Variants in AFDN observed in about 807,000 individuals in gnomAD.
AFDN encodes afadin, adherens junction formation factor.
In AFDN, 68 loss-of-function variants were observed where a neutral mutation model predicts 216.6. The ratio of observed to expected loss-of-function variants is 0.31; its 90% CI spans 0.26 to 0.38. The LOEUF (loss-of-function observed/expected upper bound fraction) is 0.38. Ranked by LOEUF, AFDN falls within the 10% of genes least tolerant of loss-of-function variation. The pLI is 1.00. For synonymous variants in AFDN, 868 were observed against 853.7 expected (o/e 1.02, Z -0.29); for missense variants, 2,136 against 2,342.0 (o/e 0.91, Z 1.82).
Position 167,914,727 on chromosome 6 carries a change from G to T in AFDN, c.2288G>T (p.Arg763Leu), listed in dbSNP as rs779923554. Residue 763 changes from arginine (R) to leucine (L), a missense_variant, in exon 18 of 34, where the codon CGA becomes CTA. By Grantham distance (102) the Arg-to-Leu change is moderately radical (BLOSUM62 -2). Around this residue, in one of 8 missense-constraint regions of AFDN, gnomAD observed 817 missense variants for 965.7 expected, o/e 0.85. Transcript: ENST00000683244. ...GACCCTGAAGAGAACAGTCTGCAAC[G>T]ACCAAAAATAGGTTAGGATGTTTTC... ...LDDPEENSLQ[R>L]PKIDDVLHTL... The T allele has an allele frequency of 1.2e-6, 2 of 1,608,306 alleles. No homozygotes were observed. Among genetic ancestry groups the T allele is most frequent in the Admixed American group, 3.3e-5 (2 of 59,958 alleles).
At position 167,943,167 on chromosome 6, in the gene AFDN, G is replaced by C. The variant is rs376177034; in HGVS notation, c.3138G>C (p.Ser1046=). Residue 1046 remains serine, a synonymous_variant, in exon 24 of 34, where the codon TCG becomes TCC. Coordinates refer to ENST00000683244, the MANE Select transcript of AFDN (RefSeq NM_001386888.1). The stretch of plus-strand genomic sequence containing the variant: ...ATAAACTAGGAATCTATGTGAAGTC[G>C]GTTGTGAAAGGAGGTGCTGCAGATG... ...GQDKLGIYVK[S]VVKGGAADVD... 1.6e-5 allele frequency: 26 copies of C among 1,613,916 alleles called. No homozygotes were observed. Among genetic ancestry groups the C allele is most frequent in the Non-Finnish European group, 2.0e-5 (24 of 1,179,926 alleles).
intron 3 of AFDN, among the ~76,000 whole-genome samples, chr6:167,870,735 C>T (rs144057283): frequency 1.3e-5 from 2 of 152,156 alleles, no homozygotes; most frequent in East Asian, 3.9e-4. Context: ...TTTATGTAAA[C>T]TCGTTACTGT....
Position 167,951,944 on chromosome 6 carries a change from G to A in AFDN, c.4590G>A (p.Lys1530=). The change falls in exon 30 of 34, where the codon AAG becomes AAA. Residue 1530 remains lysine (K), a synonymous_variant. Coordinates refer to ENST00000683244, the MANE Select transcript of AFDN (RefSeq NM_001386888.1). This position sits in a 1 kb window ranked among gnomAD's most constrained non-coding sequence, Gnocchi z 7.1. ...CGTGGAAGCGGGACGCCAAGGAGAA[G>A]CTGGAGAAGCAGCAGCAGATGCACA... ...PDPWKRDAKE[K]LEKQQQMHIV... 6.2e-7 allele frequency: 1 copy of A among 1,614,170 alleles called. No individual in the cohort carries two copies. The highest frequency in any genetic ancestry group is 1.3e-5 in the African/African-American group (1 of 75,056).
intron 1 of AFDN, among the ~76,000 whole-genome samples, chr6:167,840,704 A>G (rs757916255): frequency 4.6e-5 from 7 of 152,232 alleles, no homozygotes; most frequent in Non-Finnish European, 7.3e-5. Context: ...GCAAGTGTAC[A>G]TACTAGTTGG....
At chr6:167,889,522 C>T (rs1787297898) in intron 7 of AFDN, among the ~76,000 whole-genome samples, 196 bp downstream of exon 7, 1 of 152,184 alleles carries the variant, frequency 6.6e-6, no homozygotes, top group South Asian at 2.1e-4. Context: ...CAAGCTCCAC[C>T]TCCCGGTTTC....
Position 167,872,396 on chromosome 6 carries a change from T to G in AFDN, c.578+19T>G. 6.3e-7 allele frequency: 1 copy of G among 1,591,528 alleles called. No homozygotes were observed. Among genetic ancestry groups the G allele is most frequent in the Non-Finnish European group, 8.5e-7 (1 of 1,173,232 alleles). On this transcript the variant is annotated intron_variant, in intron 4 of 33. Coordinates refer to ENST00000683244, the MANE Select transcript of AFDN (RefSeq NM_001386888.1). The stretch of plus-strand genomic sequence containing the variant: ...AGGATGTGTAAGTCAGTTTTGGAAA[T>G]GTTCCCCTTTCTTTGTGCTCCAAAT...
intron 30 of AFDN, among the ~76,000 whole-genome samples, chr6:167,952,961 A>G (rs530441374): frequency 7.7e-4 from 117 of 152,352 alleles, no homozygotes; most frequent in African/African-American, 2.8e-3. Context: ...AATTCGTTTA[A>G]CACAATAAAT....
intron 13 of AFDN, 129 bp from the exon 14 acceptor site, chr6:167,910,972 T>G (rs1009683593): frequency 2.7e-6 from 2 of 746,718 alleles, no homozygotes; most frequent in African/African-American, 3.5e-5. Flanking sequence ...ACAAGGGATA[T>G]TTTATTATTT....
intron 26 of AFDN, 82 bp from the exon 27 acceptor site, chr6:167,946,625 G>A: frequency 1.6e-6 from 2 of 1,288,706 alleles, no homozygotes; most frequent in Non-Finnish European, 2.2e-6. Context: ...CTTATGCTAA[G>A]AACAATTCTT....
chr6:167,864,501 C>A (rs1373411937), intron 1 of AFDN, 50 bp from the exon 2 acceptor site: 1 of 1,510,244 alleles, frequency 6.6e-7, no homozygotes, highest in Admixed American at 1.7e-5. Flanking sequence ...AAAAGTGAAT[C>A]CTTTTCAGAA....
chr6:167,907,875 A>C (rs1053992943), intron 13 of AFDN, among the ~76,000 whole-genome samples: 3 of 151,980 alleles, frequency 2.0e-5, no homozygotes, highest in Non-Finnish European at 4.4e-5. Context: ...GTGTCACCTT[A>C]ATCAGAATCC....
At chr6:167,915,130 C>T in intron 18 of AFDN, 38 bp from the exon 19 acceptor site, 4 of 1,605,198 alleles carry the variant, frequency 2.5e-6, no homozygotes, top group Non-Finnish European at 2.6e-6. Context: ...TCCTGGATGA[C>T]ATTTTGCTCC....
chr6:167,968,810 A>G (rs1797804105), intron 32 of AFDN: 3 of 343,774 alleles, frequency 8.7e-6, no homozygotes, highest in Non-Finnish European at 1.7e-5. Flanking sequence ...TTGATGTTAC[A>G]CTCACCCAGA....
chr6:167,952,515 C>T (rs1342826397), intron 30 of AFDN: 8 of 985,368 alleles, frequency 8.1e-6, no homozygotes, highest in African/African-American at 7.0e-5. Context: ...CAGTAATAAT[C>T]TTGATCCAGG....
chr6:167,873,633 G>GT (rs1233634171), intron 4 of AFDN, among the ~76,000 whole-genome samples: 1 of 152,162 alleles, frequency 6.6e-6, no homozygotes. Flanking sequence ...AGACAGCCCC[G>GT]TACTGTCATG....
At chr6:167,938,418 G>A (rs1421529279) in intron 23 of AFDN, among the ~76,000 whole-genome samples, 2 of 152,146 alleles carry the variant, frequency 1.3e-5, no homozygotes, top group African/African-American at 4.8e-5. Context: ...TGTGCTTCAG[G>A]AAATGTGATT....
intron 22 of AFDN, among the ~76,000 whole-genome samples, chr6:167,923,880 C>T (rs111986618): frequency 1.3e-5 from 2 of 152,068 alleles, no homozygotes; most frequent in East Asian, 3.9e-4. Context: ...CCACCTCAGC[C>T]TCCCAAAGTG....
Position 167,907,176 on chromosome 6 carries a change from C to T in AFDN, c.1656C>T (p.Thr552=), listed in dbSNP as rs199791682. ...SGTALPTSKS[T]TRLDSDRVSS... ...TGTGCTTTCTCTCCATGTAGAGCAC[C>T]ACTAGGCTGGACAGCGACAGAGTGT... The change falls in exon 13 of 34, where the codon ACC becomes ACT. Residue 552 remains threonine (T), a synonymous_variant. Transcript: ENST00000683244. The T allele has an allele frequency of 1.2e-6, 2 of 1,613,710 alleles. No individual in the cohort carries two copies. Among genetic ancestry groups the T allele is most frequent in the East Asian group, 4.5e-5 (2 of 44,870 alleles).
At chr6:167,886,940 A>G (rs62427705) in intron 6 of AFDN, among the ~76,000 whole-genome samples, 132,358 of 150,378 alleles carry the variant, frequency 0.88, 58,456 homozygotes, top group Non-Finnish European at 0.92. Flanking sequence ...ACTTGAACCC[A>G]GGAGGCGGAG....
Sources: gnomAD v4.1 joint callset for allele counts (sites outside exome capture counted in the v4.1 genomes callset) on GRCh38, gnomAD v4.1.1 for gene constraint, gnomAD v4.1.1 regional missense constraint, Gnocchi (gnomAD v3.1) non-coding constraint, MANE v1.5 for transcripts, NCBI Gene and HGNC (gene_info 2026-07-23, HGNC 2026-07-21) for gene names.